VPS33B: variants seen among roughly 807,000 people sequenced by gnomAD.
VPS33B encodes the protein vacuolar protein sorting-associated protein 33B.
In VPS33B, 80 loss-of-function variants were observed where a neutral mutation model predicts 95.3. The observed-to-expected ratio is 0.84, with a 90% CI of 0.70 to 1.01. The LOEUF (loss-of-function observed/expected upper bound fraction) is 1.01, where lower values mean the gene tolerates loss of function less well. Among genes scored for constraint, VPS33B ranks in the 50% least tolerant of loss-of-function variants. The probability of loss-of-function intolerance (pLI) is 0.00; values close to 1 mark genes in which losing one functional copy is unlikely to be tolerated. For synonymous variants in VPS33B, 280 were observed against 280.4 expected (o/e 1.00, Z 0.01); for missense variants, 715 against 773.4 (o/e 0.92, Z 0.90).
Position 91,005,455 on chromosome 15 carries a change from C to T in VPS33B, c.1031-1G>A. On this transcript the variant is annotated splice_acceptor_variant, in intron 13 of 22. Coordinates refer to ENST00000333371, the MANE Select transcript of VPS33B (RefSeq NM_018668.5). LOFTEE classifies it high-confidence loss of function. The surrounding 1 kb of genome is among the most constrained non-coding windows in gnomAD (Gnocchi z 6.4). ...ATGATGGATTCACAGGCCCCAATATCTGCAGGTTGGACAAAGGGAGCTGAC... is the reference window on the plus strand; with the variant it reads ...ATGATGGATTCACAGGCCCCAATATTTGCAGGTTGGACAAAGGGAGCTGAC... 1.2e-6 allele frequency: 2 copies of T among 1,614,102 alleles called. No homozygotes were observed. Among genetic ancestry groups the T allele is most frequent in the Non-Finnish European group, 1.7e-6 (2 of 1,180,038 alleles).
chr15:91,011,233 G>C lies in VPS33B; in HGVS notation c.358-1387C>G, dbSNP rs1302695146. 6.6e-6 allele frequency among the ~76,000 whole-genome samples: 1 copy of C among 152,228 alleles called. No homozygotes were observed. Among genetic ancestry groups the C allele is most frequent in the Non-Finnish European group, 1.5e-5 (1 of 68,048 alleles). On this transcript the variant is annotated intron_variant, in intron 5 of 22. Transcript: ENST00000333371. The surrounding 1 kb of genome is among the most constrained non-coding windows in gnomAD (Gnocchi z 5.5). ...AAGAATGCTGAGGGCACTCACATCT[G>C]ATAATGAGTTGACATTATTAACAGC... is the stretch of plus-strand genomic sequence containing the variant.
chr15:91,016,440 T>C (rs1167949696), intron 3 of VPS33B, among the ~76,000 whole-genome samples: 6 of 144,822 alleles, frequency 4.1e-5, no homozygotes, highest in Admixed American at 2.9e-4. Flanking sequence ...TGGACTGCAG[T>C]GGCGCGATCT....
In VPS33B at chr15:91,017,821, T is replaced by C. The variant is rs773692944; in HGVS notation, c.161A>G (p.Asn54Ser). ...GGACAGTACCTTCAGGATGGAGACA[T>C]TGGCAATTCGATCCAAAGGGCTCAT... ...DLMSPLDRIA[N>S]VSILKQHEVD... Residue 54 changes from asparagine (N) to serine (S), a missense_variant, in exon 2 of 23, where the codon AAT becomes AGT. Physicochemically the swap from Asn to Ser is conservative, Grantham distance 46 (BLOSUM62 1). Transcript: ENST00000333371. 7 of 1,614,000 alleles carry C rather than the reference T, an allele frequency of 4.3e-6. No individual in the cohort carries two copies. The highest frequency in any genetic ancestry group is 2.7e-5 in the African/African-American group (2 of 74,914).
downstream of VPS33B, chr15:90,998,505 A>T (rs876874): frequency 0.22 from 41,416 of 185,516 alleles, 5,271 homozygotes; most frequent in East Asian, 0.47. The surrounding 1 kb of genome is among the most constrained non-coding windows in gnomAD (Gnocchi z 4.8). Context: ...ATTTTATGGT[A>T]GAGGAAACTC....
chr15:91,013,982 C>T lies in VPS33B; in HGVS notation c.290-111G>A. On this transcript the variant is annotated intron_variant, in intron 4 of 22. Transcript: ENST00000333371. The surrounding 1 kb of genome is among the most constrained non-coding windows in gnomAD (Gnocchi z 4.5). ...GCCTGTAATCCCAGCACTTGGGAGGCTGAGGCGGGTGGATCACCTGAGGTC... is the reference window on the plus strand; with the variant it reads ...GCCTGTAATCCCAGCACTTGGGAGGTTGAGGCGGGTGGATCACCTGAGGTC... 1.5e-6 allele frequency: 2 copies of T among 1,327,072 alleles called. No individual in the cohort carries two copies. Among genetic ancestry groups the T allele is most frequent in the Non-Finnish European group, 2.2e-6 (2 of 924,510 alleles). The allele number at this position is 1,327,072 out of a possible 1,614,324, so 82.2% of individuals were successfully genotyped here.
intron 19 of VPS33B, chr15:91,001,081 C>T (rs1320528463): frequency 1.9e-5 from 7 of 374,240 alleles, no homozygotes; most frequent in Admixed American, 1.5e-4. Context: ...TTTGGGAGGC[C>T]GAGGTGGGCG....
chr15:91,007,127 C>T lies in VPS33B; in HGVS notation c.604-81G>A, dbSNP rs976222888. 9.0e-6 allele frequency: 13 copies of T among 1,442,368 alleles called. No homozygotes were observed. Among genetic ancestry groups the T allele is most frequent in the African/African-American group, 4.2e-5 (3 of 71,464 alleles). 89.3% of individuals were successfully genotyped at this position (1,442,368 alleles called of 1,614,324 possible). On this transcript the variant is annotated intron_variant, in intron 8 of 22. Coordinates refer to ENST00000333371, the MANE Select transcript of VPS33B (RefSeq NM_018668.5). This position sits in a 1 kb window ranked among gnomAD's most constrained non-coding sequence, Gnocchi z 5.3. ...TACCTACAGAAGTCAGCCCTTTCCA[C>T]GTGATACTTCCTCTTGTCCCCGAGA...
At position 91,000,785 on chromosome 15, in the gene VPS33B, G is replaced by A. The variant is rs2040414379; in HGVS notation, c.1480-194C>T. On this transcript the variant is annotated intron_variant, in intron 19 of 22. Coordinates refer to ENST00000333371, the MANE Select transcript of VPS33B (RefSeq NM_018668.5). This position sits in a 1 kb window ranked among gnomAD's most constrained non-coding sequence, Gnocchi z 4.9. ...AGTAACTGCCAGTTCTCTGGAATGA[G>A]TTCCCATGCGCCATTATTGAATAAT... is the stretch of plus-strand genomic sequence containing the variant. 4 of 563,760 alleles carry A rather than the reference G, an allele frequency of 7.1e-6. No homozygotes were observed. Among genetic ancestry groups the A allele is most frequent in the African/African-American group, 5.7e-5 (3 of 53,022 alleles). 34.9% of individuals were successfully genotyped at this position (563,760 alleles called of 1,614,324 possible).
In VPS33B at chr15:91,006,550, A is replaced by C. The variant is rs1306328613; in HGVS notation, c.778+102T>G. The stretch of plus-strand genomic sequence containing the variant: ...CAAACTATTTGGAAGCCAGCAGTTC[A>C]TTCAGGGTCTGGGTCTCTCCCACAA... On this transcript the variant is annotated intron_variant, in intron 10 of 22. Coordinates refer to ENST00000333371, the MANE Select transcript of VPS33B (RefSeq NM_018668.5). This position sits in a 1 kb window ranked among gnomAD's most constrained non-coding sequence, Gnocchi z 5.4. The C allele has an allele frequency of 9.9e-6, 16 of 1,608,502 alleles. No homozygotes were observed. Among genetic ancestry groups the C allele is most frequent in the Admixed American group, 3.3e-5 (2 of 59,998 alleles).
Position 90,999,962 on chromosome 15 carries a change from C to T in VPS33B, c.1595G>A (p.Arg532Gln), listed in dbSNP as rs373692333. 3.3e-5 allele frequency: 53 copies of T among 1,614,126 alleles called. No individual in the cohort carries two copies. In the South Asian group the frequency reaches 3.3e-4, roughly 10 times the overall value. The change falls in exon 21 of 23, where the codon CGA (arginine) becomes CAA (glutamine). Residue 532 changes from arginine to glutamine, a missense_variant. Transcript: ENST00000333371. The surrounding 1 kb of genome is among the most constrained non-coding windows in gnomAD (Gnocchi z 5.1). ...CRIIEQVLERRSWQGLDEVVR... is the reference protein window; with the variant it reads ...CRIIEQVLERQSWQGLDEVVR... ...CACCTCATCAAGGCCCTGCCAGCTT[C>T]GCCGCTCTAGCACCTGGGAAGGTGT...
chr15:91,005,259 G>A lies in VPS33B; in HGVS notation c.1105+121C>T. The A allele has an allele frequency of 1.2e-6, 2 of 1,612,084 alleles. No individual in the cohort carries two copies. Among genetic ancestry groups the A allele is most frequent in the Non-Finnish European group, 1.7e-6 (2 of 1,179,576 alleles). On this transcript the variant is annotated intron_variant, in intron 14 of 22. Transcript: ENST00000333371. This position sits in a 1 kb window ranked among gnomAD's most constrained non-coding sequence, Gnocchi z 6.4. ...CCCCCAGGACTTCTAGCAGGAACCA[G>A]CATTCCACATAGCCAGTGTCAGCTG...
chr15:91,010,024 GTTCT>G lies in VPS33B; in HGVS notation c.358-182_358-179del, dbSNP rs1341297263. 6.6e-6 allele frequency among the ~76,000 whole-genome samples: 1 copy of G among 152,188 alleles called. No individual in the cohort carries two copies. The highest frequency in any genetic ancestry group is 1.5e-5 in the Non-Finnish European group (1 of 68,030). ...TAGAATCATTCAGCCCAGCACTTCA[GTTCT>G]TTCTCATCCATTTAATTTATGTTTG... On this transcript the variant is annotated intron_variant, in intron 5 of 22. Transcript: ENST00000333371. This position sits in a 1 kb window ranked among gnomAD's most constrained non-coding sequence, Gnocchi z 5.7.
In VPS33B at chr15:91,007,411, G is replaced by A; in HGVS notation, c.603+58C>T. On this transcript the variant is annotated intron_variant, in intron 8 of 22. Transcript: ENST00000333371. The surrounding 1 kb of genome is among the most constrained non-coding windows in gnomAD (Gnocchi z 5.3). Reference sequence around the variant, plus strand: ...CAGGTGCCCTTGGATAACCCCAGGAGGGTACAGAACAGGGAAAACAGCGTC... The same window carrying A: ...CAGGTGCCCTTGGATAACCCCAGGAAGGTACAGAACAGGGAAAACAGCGTC... 6.6e-7 allele frequency: 1 copy of A among 1,524,074 alleles called. No individual in the cohort carries two copies. The highest frequency in any genetic ancestry group is 9.1e-7 in the Non-Finnish European group (1 of 1,098,280). The allele number at this position is 1,524,074 out of a possible 1,614,324, so 94.4% of individuals were successfully genotyped here.
At chr15:91,003,805 A>G (rs922619247) in intron 16 of VPS33B, among the ~76,000 whole-genome samples, 8 of 152,240 alleles carry the variant, frequency 5.3e-5, no homozygotes, top group Non-Finnish European at 1.0e-4. Context: ...ATTGAGAAAT[A>G]GGAAAAGTGT....
At chr15:91,020,770 A>C (rs560713865) in intron 1 of VPS33B, among the ~76,000 whole-genome samples, 1 of 152,240 alleles carries the variant, frequency 6.6e-6, no homozygotes, top group Admixed American at 6.5e-5. Flanking sequence ...AATCCCAACT[A>C]CTGGGGAGGC....
At position 91,002,627 on chromosome 15, in the gene VPS33B, C is replaced by T. The variant is rs1467809218; in HGVS notation, c.1273-445G>A. ...CTTGGGCAACAGAGCGAGACATCGTCTCGAAATAAAAAAAAAAAAAAAAAG... is the reference window on the plus strand; with the variant it reads ...CTTGGGCAACAGAGCGAGACATCGTTTCGAAATAAAAAAAAAAAAAAAAAG... On this transcript the variant is annotated intron_variant, in intron 17 of 22. Transcript: ENST00000333371. This position sits in a 1 kb window ranked among gnomAD's most constrained non-coding sequence, Gnocchi z 4.7. Among the ~76,000 whole-genome samples the T allele has an allele frequency of 7.3e-6, 1 of 136,808 alleles. No homozygotes were observed. Among genetic ancestry groups the T allele is most frequent in the Non-Finnish European group, 1.5e-5 (1 of 65,976 alleles). 89.8% of individuals were successfully genotyped at this position (136,808 alleles called of 152,430 possible).
Position 91,017,862 on chromosome 15 carries a change from GAATA to G in VPS33B, c.116_119del (p.Leu39SerfsTer7). 6.2e-7 allele frequency: 1 copy of G among 1,614,110 alleles called. No individual in the cohort carries two copies. Among genetic ancestry groups the G allele is most frequent in the Non-Finnish European group, 8.5e-7 (1 of 1,179,992 alleles). ...AAGGGCTCATGAGATCTGCCTCAAT[GAATA>G]AATCCTTTTTTCCAGGAAGCTGAAG... On this transcript the variant is annotated frameshift_variant, in exon 2 of 23. Coordinates refer to ENST00000333371, the MANE Select transcript of VPS33B (RefSeq NM_018668.5). LOFTEE classifies it high-confidence loss of function.
chr15:91,013,776 T>A lies in VPS33B; in HGVS notation c.357+28A>T. ...CGGTCCTCAGTCCTGTTCTACCTTATCCCACTTCCTCCAGGATCCAAACTC... is the reference window on the plus strand; with the variant it reads ...CGGTCCTCAGTCCTGTTCTACCTTAACCCACTTCCTCCAGGATCCAAACTC... On this transcript the variant is annotated intron_variant, in intron 5 of 22. Coordinates refer to ENST00000333371, the MANE Select transcript of VPS33B (RefSeq NM_018668.5). This position sits in a 1 kb window ranked among gnomAD's most constrained non-coding sequence, Gnocchi z 4.5. 1 of 1,613,832 alleles carries A rather than the reference T, an allele frequency of 6.2e-7. No individual in the cohort carries two copies. Among genetic ancestry groups the A allele is most frequent in the Non-Finnish European group, 8.5e-7 (1 of 1,179,744 alleles).
chr15:91,006,748 A>C lies in VPS33B; in HGVS notation c.701-19T>G, dbSNP rs762012495. ...TCCACATCTGAAACAGAGATCCCTG[A>C]CCATGAAGGTTCTCCCTGACCCAGC... On this transcript the variant is annotated intron_variant, in intron 9 of 22. Transcript: ENST00000333371. The surrounding 1 kb of genome is among the most constrained non-coding windows in gnomAD (Gnocchi z 5.4). The C allele has an allele frequency of 5.0e-6, 8 of 1,614,068 alleles. No homozygotes were observed. Among genetic ancestry groups the C allele is most frequent in the Non-Finnish European group, 6.8e-6 (8 of 1,179,980 alleles).
Sources: gnomAD v4.1 joint callset for allele counts (sites outside exome capture counted in the v4.1 genomes callset) on GRCh38, gnomAD v4.1.1 for gene constraint, Gnocchi (gnomAD v3.1) non-coding constraint, MANE v1.5 for transcripts, NCBI Gene and HGNC (gene_info 2026-07-23, HGNC 2026-07-21) for gene names.